MSI2: variants seen among roughly 807,000 people sequenced by gnomAD.
MSI2 encodes the protein RNA-binding protein Musashi homolog 2.
Under a neutral mutation model 45.6 loss-of-function variants are expected in MSI2, and 17 were observed. That is an observed-to-expected ratio of 0.37 (90% CI 0.26 to 0.56). The LOEUF (loss-of-function observed/expected upper bound fraction) is 0.56, where lower values mean the gene tolerates loss of function less well. MSI2 is among the 20% of genes least tolerant of loss of function. The pLI is 0.77. For missense variants in MSI2, 293 were observed against 444.2 expected (o/e 0.66, Z 3.06); for synonymous variants, 156 against 158.2 (o/e 0.99, Z 0.11).
chr17:57,302,672 T>G (rs1314243767), intron 5 of MSI2, among the ~76,000 whole-genome samples: 2 of 152,058 alleles, frequency 1.3e-5, no homozygotes, highest in Admixed American at 1.3e-4. Context: ...ATTTTGGGAG[T>G]GTCTATTAGC....
chr17:57,301,466 G>A (rs1911414830), intron 5 of MSI2, among the ~76,000 whole-genome samples: 1 of 152,200 alleles, frequency 6.6e-6, no homozygotes, highest in Non-Finnish European at 1.5e-5. Context: ...GTCACCATCC[G>A]GCTTAGAAGG....
intron 9 of MSI2, chr17:57,626,521 C>G (rs1268574943): frequency 6.6e-6 from 1 of 152,224 alleles, no homozygotes; most frequent in Non-Finnish European, 1.5e-5. Flanking sequence ...TTTCAGTGAA[C>G]CACTCACCCC....
chr17:57,495,837 G>A (rs948135787), intron 6 of MSI2, among the ~76,000 whole-genome samples: 8 of 152,204 alleles, frequency 5.3e-5, no homozygotes, highest in Non-Finnish European at 1.0e-4. Context: ...ATCGGCTGCT[G>A]TCATTTTTGA....
intron 5 of MSI2, 93 bp from the exon 6 acceptor site, chr17:57,401,286 A>G: frequency 9.6e-7 from 1 of 1,040,466 alleles, no homozygotes; most frequent in Non-Finnish European, 1.5e-6. Context: ...GCCTTCCTAG[A>G]GAAATGTGGA....
chr17:57,557,160 C>T (rs1258184028), intron 7 of MSI2, among the ~76,000 whole-genome samples: 2 of 152,264 alleles, frequency 1.3e-5, no homozygotes, highest in African/African-American at 2.4e-5. Context: ...AGATGGTACA[C>T]GGAAATATCA....
intron 6 of MSI2, among the ~76,000 whole-genome samples, chr17:57,403,962 C>T (rs1019695274): frequency 2.6e-5 from 4 of 150,970 alleles, no homozygotes; most frequent in Admixed American, 2.6e-4. Context: ...CACACACACA[C>T]ACTTGCATGA....
chr17:57,587,233 T>C (rs1402079567), intron 7 of MSI2, among the ~76,000 whole-genome samples: 1 of 152,220 alleles, frequency 6.6e-6, no homozygotes, highest in African/African-American at 2.4e-5. Context: ...CGCCAGGTTA[T>C]GGTGGCCAAT....
At chr17:57,633,148 G>A in intron 10 of MSI2, 4 of 1,021,308 alleles carry the variant, frequency 3.9e-6, no homozygotes, top group Non-Finnish European at 4.7e-6. Context: ...TCCCCTGTAA[G>A]CAACCGAGGT....
At chr17:57,311,557 A>G (rs79700228) in intron 5 of MSI2, among the ~76,000 whole-genome samples, 262 of 152,160 alleles carry the variant, frequency 1.7e-3, no homozygotes, top group African/African-American at 5.0e-3. Context: ...AGTATTGGCT[A>G]TATATATATT....
rs1913740852 is a variant in MSI2 at position 57,683,602 on chromosome 17, C to T, written c.*4085C>T. The stretch of plus-strand genomic sequence containing the variant: ...ATTGTTTACAAAAGAAACACTAACT[C>T]ATACTTCTCTTTATTGGTTGCAAGT... On this transcript the variant is annotated 3_prime_UTR_variant, in exon 14 of 14. Coordinates refer to ENST00000284073, the MANE Select transcript of MSI2 (RefSeq NM_138962.4). The surrounding 1 kb of genome is among the most constrained non-coding windows in gnomAD (Gnocchi z 5.2). 1.3e-5 allele frequency: 3 copies of T among 230,940 alleles called. No homozygotes were observed. Among genetic ancestry groups the T allele is most frequent in the Admixed American group, 5.6e-5 (1 of 17,702 alleles). The allele number at this position is 230,940 out of a possible 1,614,324, so 14.3% of individuals were successfully genotyped here.
chr17:57,348,951 G>A (rs1915818457), intron 5 of MSI2, among the ~76,000 whole-genome samples: 1 of 152,150 alleles, frequency 6.6e-6, no homozygotes, highest in Non-Finnish European at 1.5e-5. Flanking sequence ...CCCAGGTGCT[G>A]TCCAAGCCTT....
chr17:57,293,289 C>T (rs920910347), intron 5 of MSI2, among the ~76,000 whole-genome samples: 21 of 152,182 alleles, frequency 1.4e-4, no homozygotes, highest in Admixed American at 9.2e-4. Flanking sequence ...GTCCTGCTTC[C>T]GGCTTGGAGT....
the MSI2 span, among the ~76,000 whole-genome samples, chr17:57,695,291 T>A: frequency 6.6e-6 from 1 of 152,246 alleles, no homozygotes; most frequent in East Asian, 1.9e-4. Flanking sequence ...TATTTCTAAC[T>A]AGCTGTGTGG....
intron 7 of MSI2, among the ~76,000 whole-genome samples, chr17:57,546,710 G>T (rs970004089): frequency 6.6e-6 from 1 of 152,178 alleles, no homozygotes; most frequent in Non-Finnish European, 1.5e-5. Context: ...TTCCCTTTGG[G>T]TTTCCCCAGG....
intron 6 of MSI2, among the ~76,000 whole-genome samples, chr17:57,521,476 C>T (rs1291707166): frequency 6.6e-6 from 1 of 152,088 alleles, no homozygotes; most frequent in East Asian, 1.9e-4. Context: ...TTGGCTCTTC[C>T]GAGCTGCTTC....
chr17:57,398,007 A>G (rs1041801992), intron 5 of MSI2, among the ~76,000 whole-genome samples: 3 of 152,154 alleles, frequency 2.0e-5, no homozygotes, highest in African/African-American at 7.2e-5. Flanking sequence ...TTTTAAAAAA[A>G]GGTGTTTTAA....
intron 7 of MSI2, among the ~76,000 whole-genome samples, chr17:57,584,479 T>C (rs980454144): frequency 5.6e-4 from 85 of 152,220 alleles, no homozygotes; most frequent in Non-Finnish European, 5.7e-4. Flanking sequence ...ATGACCCCCC[T>C]GTGGGGGGCG....
chr17:57,374,604 C>G (rs2083466903), intron 5 of MSI2, among the ~76,000 whole-genome samples: 2 of 151,876 alleles, frequency 1.3e-5, no homozygotes, highest in Admixed American at 6.6e-5. Flanking sequence ...TAGTGAAACC[C>G]CATCTCTACT....
intron 6 of MSI2, chr17:57,448,712 G>A (rs1293037925): frequency 1.3e-5 from 2 of 152,242 alleles, no homozygotes; most frequent in East Asian, 3.9e-4. Context: ...CTTGGTTATT[G>A]GACTTTTGTT....
Sources: allele counts gnomAD v4.1 joint callset (sites outside exome capture counted in the v4.1 genomes callset), GRCh38; gene constraint gnomAD v4.1.1; non-coding constraint Gnocchi (gnomAD v3.1); transcripts MANE v1.5; gene names NCBI Gene and HGNC (gene_info 2026-07-23, HGNC 2026-07-21).